Variants in TEX36 observed in about 807,000 individuals in gnomAD.
TEX36 encodes the protein testis expressed 36.
TEX36 carries 12 observed loss-of-function variants against 13.6 expected under a neutral mutation model. That is an observed-to-expected ratio of 0.88 (90% CI 0.56 to 1.43). TEX36 has a LOEUF of 1.43. TEX36 is among the 40% of genes most tolerant of loss of function. The probability of loss-of-function intolerance (pLI) is 0.00; values close to 1 mark genes in which losing one functional copy is unlikely to be tolerated. For synonymous variants in TEX36, 93 were observed against 83.0 expected, an observed-to-expected ratio of 1.12 and a Z score of -0.65; for missense variants, 224 against 228.3, an observed-to-expected ratio of 0.98 and a Z score of 0.12.
chr10:125,682,007 A>T (rs1847402494), intron 1 of TEX36, among the ~76,000 whole-genome samples: 1 of 152,232 alleles, frequency 6.6e-6, no homozygotes, highest in South Asian at 2.1e-4. Context: ...AAACAAATTA[A>T]AATTTTAACA....
chr10:125,662,896 G>A (rs1210912274), intron 1 of TEX36, among the ~76,000 whole-genome samples: 2 of 152,192 alleles, frequency 1.3e-5, no homozygotes, highest in East Asian at 1.9e-4. Context: ...GGCAAGAGAA[G>A]CTCACCCCAA....
intron 3 of TEX36, among the ~76,000 whole-genome samples, chr10:125,596,004 A>G (rs1846078569): frequency 6.6e-6 from 1 of 152,350 alleles, no homozygotes; most frequent in East Asian, 1.9e-4. Context: ...GATGTCAGGA[A>G]TCTTATGAAG....
chr10:125,661,828 C>G lies in TEX36; in HGVS notation c.183+18G>C. 6.4e-7 allele frequency: 1 copy of G among 1,551,592 alleles called. No individual in the cohort carries two copies. On this transcript the variant is annotated intron_variant, in intron 2 of 3. Transcript: ENST00000368821. ...GGTCCACAGGAGCACATGGCAGTGG[C>G]CAGTGTTCAGGACTCACCTTCTCCC...
At chr10:125,591,578 G>A (rs367770351) in intron 3 of TEX36, among the ~76,000 whole-genome samples, 12 of 152,250 alleles carry the variant, frequency 7.9e-5, no homozygotes, top group Middle Eastern at 3.4e-3. Flanking sequence ...CTGGGAAACC[G>A]CACTGATCAA....
intron 3 of TEX36, among the ~76,000 whole-genome samples, chr10:125,592,493 T>G (rs1198766034): frequency 1.3e-5 from 2 of 152,162 alleles, no homozygotes; most frequent in African/African-American, 4.8e-5. Context: ...TTTTCCTACT[T>G]TCTTACACAG....
downstream of TEX36, among the ~76,000 whole-genome samples, chr10:125,652,098 C>T (rs1440590281): frequency 1.3e-5 from 2 of 152,198 alleles, no homozygotes. Flanking sequence ...ATGCCATCCC[C>T]ATCAAGCTAC....
chr10:125,644,575 C>T (rs915438186), intron 3 of TEX36, among the ~76,000 whole-genome samples: 7 of 152,168 alleles, frequency 4.6e-5, no homozygotes, highest in African/African-American at 1.7e-4. Context: ...ACACGTAAAA[C>T]TGTGAAATCT....
intron 3 of TEX36, among the ~76,000 whole-genome samples, chr10:125,610,154 C>T (rs1410797010): frequency 1.3e-5 from 2 of 152,218 alleles, no homozygotes; most frequent in Non-Finnish European, 2.9e-5. Flanking sequence ...CCGGAAAACT[C>T]ATGAATAATC....
At chr10:125,602,472 C>A (rs941138034) in intron 3 of TEX36, among the ~76,000 whole-genome samples, 1 of 152,170 alleles carries the variant, frequency 6.6e-6, no homozygotes, top group Non-Finnish European at 1.5e-5. Context: ...TCGTGCTGTT[C>A]CCCTCTATCC....
At chr10:125,640,184 G>A (rs1846670435) in intron 3 of TEX36, 12 of 985,422 alleles carry the variant, frequency 1.2e-5, no homozygotes, top group Non-Finnish European at 1.4e-5. Flanking sequence ...AGAAATCATT[G>A]TTCTTGGACT....
At chr10:125,592,289 C>G (rs915699236) in intron 3 of TEX36, among the ~76,000 whole-genome samples, 2 of 152,140 alleles carry the variant, frequency 1.3e-5, no homozygotes, top group African/African-American at 4.8e-5. Flanking sequence ...TGAAGCCAGA[C>G]GTGCGTTAGG....
At chr10:125,578,829 C>T (rs1343717599) in intron 3 of TEX36, among the ~76,000 whole-genome samples, 1 of 152,194 alleles carries the variant, frequency 6.6e-6, no homozygotes, top group Non-Finnish European at 1.5e-5. Context: ...GCTCACAGCC[C>T]TCAATGGCTT....
At chr10:125,649,200 T>C (rs1298249475) in intron 3 of TEX36, among the ~76,000 whole-genome samples, 1 of 152,110 alleles carries the variant, frequency 6.6e-6, no homozygotes, top group African/African-American at 2.4e-5. Context: ...AGACACATAA[T>C]TGTCAGATTC....
intron 3 of TEX36, among the ~76,000 whole-genome samples, chr10:125,582,869 T>C (rs77945839): frequency 0.011 from 1,674 of 152,306 alleles, 16 homozygotes; most frequent in Admixed American, 0.024. Context: ...AAAGTGACAA[T>C]TTTTCACTAG....
At chr10:125,644,681 G>C (rs1012614015) in intron 3 of TEX36, among the ~76,000 whole-genome samples, 6 of 152,222 alleles carry the variant, frequency 3.9e-5, no homozygotes, top group Non-Finnish European at 7.3e-5. Flanking sequence ...TCTCACTCTT[G>C]TATAATCCCC....
downstream of TEX36, chr10:125,655,582 T>C (rs1020733639): frequency 2.7e-6 from 2 of 730,624 alleles, no homozygotes; most frequent in Non-Finnish European, 3.5e-6. Context: ...ACATACAGGA[T>C]TGGAGATGTG....
At chr10:125,576,646 A>C in exon 4 of TEX36, 1 of 1,403,054 alleles carries the variant, frequency 7.1e-7, no homozygotes, top group Non-Finnish European at 9.5e-7. Flanking sequence ...GGTGGTTACT[A>C]ACTAGCTAGG....
chr10:125,666,177 G>A (rs927336626), intron 1 of TEX36, among the ~76,000 whole-genome samples: 3 of 152,152 alleles, frequency 2.0e-5, no homozygotes, highest in African/African-American at 7.2e-5. Flanking sequence ...TTCCAATTTG[G>A]ATGCTTTTTA....
intron 3 of TEX36, among the ~76,000 whole-genome samples, chr10:125,604,670 G>C (rs1028377491): frequency 3.3e-5 from 5 of 152,078 alleles, no homozygotes; most frequent in Admixed American, 2.0e-4. Flanking sequence ...AAATTAGCCA[G>C]GTGTGGTGAC....
Sources: gnomAD v4.1 joint callset for allele counts (sites outside exome capture counted in the v4.1 genomes callset) on GRCh38, gnomAD v4.1.1 for gene constraint, MANE v1.5 for transcripts, NCBI Gene and HGNC (gene_info 2026-07-23, HGNC 2026-07-21) for gene names.